Variants in N4BP2 observed in about 807,000 individuals in gnomAD.
The protein encoded by N4BP2 is NEDD4 binding protein 2.
N4BP2 carries 91 observed loss-of-function variants against 152.8 expected under a neutral mutation model. That is an observed-to-expected ratio of 0.60 (90% confidence interval 0.50 to 0.71). The LOEUF (loss-of-function observed/expected upper bound fraction) is 0.71. Among genes scored for constraint, N4BP2 ranks in the 30% least tolerant of loss-of-function variants. The pLI, the probability that N4BP2 is intolerant of heterozygous loss-of-function variation, is 0.00. For synonymous variants in N4BP2, 646 were observed against 705.3 expected (o/e 0.92, Z 1.33); for missense variants, 1,923 against 2,059.1 (o/e 0.93, Z 1.28).
chr4:40,102,573 C>A lies in N4BP2; in HGVS notation c.728C>A (p.Ser243Tyr). ...TTGGAAAGTAACTACCCGGAAGATT[C>A]TCTTCTCAGTAGTTCTTTAAATGTA... ...LALESNYPED[S>Y]LLSSSLNVAS... The change falls in exon 4 of 18, where the codon TCT (serine) becomes TAT (tyrosine). Residue 243 changes from serine to tyrosine, a missense_variant. Physicochemically the swap from Ser to Tyr is moderately radical, Grantham distance 144 (BLOSUM62 -2). Transcript: ENST00000261435. 6.2e-7 allele frequency: 1 copy of A among 1,614,166 alleles called. No individual in the cohort carries two copies. The highest frequency in any genetic ancestry group is 8.5e-7 in the Non-Finnish European group (1 of 1,180,026).
At chr4:40,149,113 T>C (rs748623848) in intron 16 of N4BP2, among the ~76,000 whole-genome samples, 35 of 152,316 alleles carry the variant, frequency 2.3e-4, no homozygotes, top group Non-Finnish European at 4.6e-4. Context: ...CCCCTAACTA[T>C]GTACCCAAGA....
chr4:40,078,555 C>T (rs948108716), intron 2 of N4BP2, among the ~76,000 whole-genome samples: 3 of 149,434 alleles, frequency 2.0e-5, no homozygotes, highest in Non-Finnish European at 4.4e-5. Flanking sequence ...GTCAGGGTCT[C>T]GCTTTATCGC....
At chr4:40,178,917 A>G in the N4BP2 span, among the ~76,000 whole-genome samples, 2 of 151,472 alleles carry the variant, frequency 1.3e-5, no homozygotes, top group South Asian at 4.2e-4. Context: ...TGGTACTTCT[A>G]TTTGATTTGC....
the N4BP2 span, among the ~76,000 whole-genome samples, chr4:40,182,656 C>T: frequency 6.6e-6 from 1 of 151,740 alleles, no homozygotes; most frequent in African/African-American, 2.4e-5. Context: ...CCATGTTGCC[C>T]AGGCTGGTCC....
intron 15 of N4BP2, among the ~76,000 whole-genome samples, chr4:40,143,711 T>C (rs993141848): frequency 1.3e-5 from 2 of 152,296 alleles, no homozygotes; most frequent in East Asian, 1.9e-4. Context: ...ACAGTAGTCC[T>C]TGGGGGATAG....
At chr4:40,158,453 G>A (rs1721762964), downstream of N4BP2, among the ~76,000 whole-genome samples, 1 of 152,060 alleles carries the variant, frequency 6.6e-6, no homozygotes, top group South Asian at 2.1e-4. Flanking sequence ...ATTGGCTATG[G>A]TTTCTCTCCT....
intron 2 of N4BP2, among the ~76,000 whole-genome samples, chr4:40,082,373 A>G (rs1713474339): frequency 6.6e-6 from 1 of 152,140 alleles, no homozygotes; most frequent in Non-Finnish European, 1.5e-5. Flanking sequence ...GTATTCAATA[A>G]TCTAACAATC....
rs753439784 is a variant in N4BP2, at chr4:40,156,952, A to C, written c.*2715A>C. ...TAGGGGATACTCACTCAACCTGTAT[A>C]TTTGTGCTAATACATGACTCATTAG... On this transcript the variant is annotated 3_prime_UTR_variant, in exon 18 of 18. Coordinates refer to ENST00000261435, the MANE Select transcript of N4BP2 (RefSeq NM_018177.6). 1.3e-5 allele frequency: 2 copies of C among 152,148 alleles called. No individual in the cohort carries two copies. The highest frequency in any genetic ancestry group is 2.9e-5 in the Non-Finnish European group (2 of 67,994). 9.4% of individuals were successfully genotyped at this position (152,148 alleles called of 1,614,324 possible).
chr4:40,131,757 T>C, intron 12 of N4BP2, 44 bp from the exon 13 acceptor site: 1 of 1,407,946 alleles, frequency 7.1e-7, no homozygotes, highest in Admixed American at 1.7e-5. Flanking sequence ...GTTTCTAGTA[T>C]TACACATTTC....
At chr4:40,083,484 T>C (rs1471706302) in intron 2 of N4BP2, among the ~76,000 whole-genome samples, 1 of 152,210 alleles carries the variant, frequency 6.6e-6, no homozygotes, top group East Asian at 1.9e-4. Context: ...ATCCGTACCA[T>C]GCAATATTTT....
intron 16 of N4BP2, among the ~76,000 whole-genome samples, chr4:40,150,878 A>G (rs190111371): frequency 6.6e-6 from 1 of 152,336 alleles, no homozygotes; most frequent in Non-Finnish European, 1.5e-5. Context: ...TTGGAAACTA[A>G]TGATATTAAG....
At chr4:40,061,609 C>T (rs1243503527) in intron 1 of N4BP2, among the ~76,000 whole-genome samples, 2 of 151,786 alleles carry the variant, frequency 1.3e-5, no homozygotes, top group Non-Finnish European at 2.9e-5. Context: ...AGGTGATCCG[C>T]CCGCCTCAGC....
intron 5 of N4BP2, 105 bp downstream of exon 5, chr4:40,107,129 T>TCAAAAAA: frequency 8.1e-7 from 1 of 1,232,926 alleles, no homozygotes; most frequent in African/African-American, 1.5e-5. Flanking sequence ...AGACAGGGTC[T>TCAAAAAA]CGCTGTGTTG....
the N4BP2 span, among the ~76,000 whole-genome samples, chr4:40,183,336 C>T: frequency 7.4e-6 from 1 of 135,288 alleles, no homozygotes; most frequent in Non-Finnish European, 1.6e-5. Context: ...CTACTTTTTA[C>T]ATTTTTTTTT....
chr4:40,149,314 T>G (rs1221275498), intron 16 of N4BP2, among the ~76,000 whole-genome samples: 2 of 152,220 alleles, frequency 1.3e-5, no homozygotes, highest in African/African-American at 4.8e-5. Flanking sequence ...TTGTGAAAGA[T>G]GAAGGCAGAT....
chr4:40,132,126 T>G (rs1718958393), intron 13 of N4BP2, among the ~76,000 whole-genome samples: 2 of 152,162 alleles, frequency 1.3e-5, no homozygotes, highest in Admixed American at 1.3e-4. Context: ...GTTTTTTTCC[T>G]ATAAATAAGA....
intron 2 of N4BP2, among the ~76,000 whole-genome samples, chr4:40,082,672 A>G (rs1452816713): frequency 6.6e-6 from 1 of 151,250 alleles, no homozygotes; most frequent in Non-Finnish European, 1.5e-5. Context: ...AACCAACCCA[A>G]CACCTCCTGG....
rs926299969 is a variant in N4BP2 at position 40,069,628 on chromosome 4, C to T, written c.-211-3827C>T. Among the ~76,000 whole-genome samples the T allele has an allele frequency of 3.3e-5, 5 of 152,192 alleles. No homozygotes were observed. The East Asian group carries it at 9.6e-4, about 29-fold the overall frequency. On this transcript the variant is annotated intron_variant, in intron 1 of 17. Coordinates refer to ENST00000261435, the MANE Select transcript of N4BP2 (RefSeq NM_018177.6). ...TATTTGAATTAAAAAAGGATTTTGG[C>T]CAGGCACAGTTGCCCATTCCTGTAT...
intron 2 of N4BP2, among the ~76,000 whole-genome samples, chr4:40,092,008 T>TTATATATATATATATATA (rs1221314746): frequency 7.4e-5 from 2 of 27,202 alleles, no homozygotes; most frequent in Non-Finnish European, 1.2e-4. Context: ...AAAAAAAAAA[T>TTATATATATATATATATA]TATATATATA....
Sources: gnomAD v4.1 joint callset for allele counts (sites outside exome capture counted in the v4.1 genomes callset) on GRCh38, gnomAD v4.1.1 for gene constraint, MANE v1.5 for transcripts, NCBI Gene and HGNC (gene_info 2026-07-23, HGNC 2026-07-21) for gene names.